Variants in SERPINB7 observed in about 807,000 individuals in gnomAD.
SERPINB7 encodes serpin family B member 7.
Under a neutral mutation model 37.4 loss-of-function variants are expected in SERPINB7, and 31 were observed. The observed-to-expected ratio is 0.83, with a 90% CI of 0.62 to 1.12. SERPINB7 has a LOEUF of 1.12. Ranked by LOEUF, SERPINB7 falls within the 50% of genes most tolerant of loss-of-function variation. SERPINB7 has a pLI of 0.00. For missense variants in SERPINB7, 521 were observed against 455.3 expected, an observed-to-expected ratio of 1.14 and a Z score of -1.31; for synonymous variants, 163 against 166.1, an observed-to-expected ratio of 0.98 and a Z score of 0.14.
chr18:63,795,353 G>C (rs58165115), intron 4 of SERPINB7, among the ~76,000 whole-genome samples: 142 of 152,204 alleles, frequency 9.3e-4, no homozygotes, highest in African/African-American at 3.3e-3. Flanking sequence ...CTGAGGTCAG[G>C]AGTTTGAGAC....
At chr18:63,781,837 C>G (rs954311320) in intron 1 of SERPINB7, among the ~76,000 whole-genome samples, 1 of 151,760 alleles carries the variant, frequency 6.6e-6, no homozygotes, top group African/African-American at 2.4e-5. Context: ...ATGCATAATA[C>G]TTAAAATTAG....
chr18:63,798,341 C>T (rs111327062), intron 5 of SERPINB7, among the ~76,000 whole-genome samples: 128 of 152,210 alleles, frequency 8.4e-4, no homozygotes, highest in African/African-American at 3.0e-3. Context: ...GTCTTAATCT[C>T]TTTGTGCCTT....
At chr18:63,755,003 C>T (rs1395525005) in intron 1 of SERPINB7, among the ~76,000 whole-genome samples, 4 of 150,092 alleles carry the variant, frequency 2.7e-5, no homozygotes, top group Non-Finnish European at 5.9e-5. Context: ...GGGTTCACGC[C>T]ATTCTCCTGC....
At chr18:63,754,320 T>C (rs1057389271) in intron 1 of SERPINB7, among the ~76,000 whole-genome samples, 2 of 152,202 alleles carry the variant, frequency 1.3e-5, no homozygotes, top group Non-Finnish European at 2.9e-5. Flanking sequence ...TTCATTTATG[T>C]TGAATGAATG....
chr18:63,795,588 A>G (rs530588181), intron 4 of SERPINB7, among the ~76,000 whole-genome samples: 68 of 151,872 alleles, frequency 4.5e-4, no homozygotes, highest in East Asian at 1.2e-3. Context: ...AAAAAAAAAA[A>G]AAAAGAAAAG....
At chr18:63,767,204 G>A (rs750507378) in intron 1 of SERPINB7, among the ~76,000 whole-genome samples, 3 of 152,074 alleles carry the variant, frequency 2.0e-5, no homozygotes, top group Non-Finnish European at 2.9e-5. Context: ...CACATTCGCC[G>A]AACTTTTTAG....
At position 63,782,494 on chromosome 18, in the gene SERPINB7, T is replaced by C. The variant is rs764356562; in HGVS notation, c.122T>C (p.Leu41Pro). 1 of 1,613,822 alleles carries C rather than the reference T, an allele frequency of 6.2e-7. No homozygotes were observed. The highest frequency in any genetic ancestry group is 1.3e-5 in the African/African-American group (1 of 74,946). ...CTGAGCCTCTTCGCTGCCCTGGCCC[T>C]GGTCCGCTTGGGCGCTCAAGATGAC... ...SSLSLFAALALVRLGAQDDSL... is the reference protein window; with the variant it reads ...SSLSLFAALAPVRLGAQDDSL... Residue 41 changes from leucine (L) to proline (P), a missense_variant, in exon 2 of 8, where the codon CTG becomes CCG. By Grantham distance (98) the Leu-to-Pro change is moderately conservative. Coordinates refer to ENST00000398019, the MANE Select transcript of SERPINB7 (RefSeq NM_003784.4).
At chr18:63,761,841 T>C (rs562209141) in intron 1 of SERPINB7, among the ~76,000 whole-genome samples, 102 of 152,334 alleles carry the variant, frequency 6.7e-4, no homozygotes, top group African/African-American at 2.3e-3. Flanking sequence ...TAAACTTTTT[T>C]TTCTTTTTCT....
chr18:63,753,465 C>T (rs1290911033), intron 1 of SERPINB7, among the ~76,000 whole-genome samples: 2 of 152,202 alleles, frequency 1.3e-5, no homozygotes, highest in South Asian at 2.1e-4. Flanking sequence ...TGAATAGACC[C>T]CTAAGCTTAT....
At chr18:63,792,938 TAAC>T (rs2049444415) in intron 3 of SERPINB7, among the ~76,000 whole-genome samples, 2 of 152,228 alleles carry the variant, frequency 1.3e-5, no homozygotes, top group Non-Finnish European at 2.9e-5. Context: ...TACCTTCTGT[TAAC>T]AATTTTAAGT....
Position 63,786,233 on chromosome 18 carries a change from T to TATAC in SERPINB7, c.168+3694_168+3695insTACA, listed in dbSNP as rs869084873. 1.3e-3 allele frequency among the ~76,000 whole-genome samples: 103 copies of TATAC among 76,320 alleles called. 3 individuals carry two copies. The highest frequency in any genetic ancestry group is 3.8e-3 in the African/African-American group (97 of 25,510). The allele number at this position is 76,320 out of a possible 152,430, so 50.1% of individuals were successfully genotyped here. A position where few individuals can be genotyped will look rare whatever the true frequency, so the allele number is the denominator to read the frequency against. On this transcript the variant is annotated intron_variant, in intron 2 of 7. Coordinates refer to ENST00000398019, the MANE Select transcript of SERPINB7 (RefSeq NM_003784.4). ...GTGTATATATATATATATATATATATACACACACACACATCCACACATTTC... is the reference window on the plus strand; with the variant it reads ...GTGTATATATATATATATATATATATATACACACACACACACATCCACACATTTC...
intron 1 of SERPINB7, among the ~76,000 whole-genome samples, chr18:63,760,259 T>C (rs1265036533): frequency 6.6e-6 from 1 of 152,182 alleles, no homozygotes; most frequent in Non-Finnish European, 1.5e-5. Context: ...GACTGGTGGC[T>C]TTTTGCCCCT....
intron 5 of SERPINB7, among the ~76,000 whole-genome samples, chr18:63,797,247 A>G (rs554868147): frequency 6.6e-6 from 1 of 152,330 alleles, no homozygotes; most frequent in East Asian, 1.9e-4. Context: ...AATATGATAT[A>G]ATATATCTTG....
intron 6 of SERPINB7, among the ~76,000 whole-genome samples, chr18:63,799,272 A>G (rs1475189284): frequency 6.6e-6 from 1 of 152,186 alleles, no homozygotes; most frequent in Non-Finnish European, 1.5e-5. Context: ...AACCTTTATA[A>G]AACATATATT....
intron 1 of SERPINB7, among the ~76,000 whole-genome samples, chr18:63,759,659 G>C (rs114509768): frequency 6.6e-6 from 1 of 152,126 alleles, no homozygotes; most frequent in Non-Finnish European, 1.5e-5. Flanking sequence ...ATCTTGAATT[G>C]TATCTCCCAG....
chr18:63,785,486 T>C (rs1720847), intron 2 of SERPINB7, among the ~76,000 whole-genome samples: 20,830 of 152,212 alleles, frequency 0.14, 2,466 homozygotes, highest in East Asian at 0.48. Context: ...TCTTGAGTTA[T>C]CTTAGCTCCA....
intron 1 of SERPINB7, among the ~76,000 whole-genome samples, chr18:63,758,065 G>GTC (rs1202686769): frequency 2.6e-5 from 4 of 151,994 alleles, no homozygotes; most frequent in Non-Finnish European, 2.9e-5. Context: ...ATCTCTCTGT[G>GTC]TCTCTCTCTC....
Position 63,800,968 on chromosome 18 carries a change from G to A in SERPINB7, c.700G>A (p.Gly234Ser). The change falls in exon 7 of 8, where the codon GGC becomes AGC. Residue 234 changes from glycine (G) to serine (S), a missense_variant. Transcript: ENST00000398019. ...MKILELRYNGGINMYVLLPEN... is the reference protein window; with the variant it reads ...MKILELRYNGSINMYVLLPEN... Reference sequence around the variant, plus strand: ...GATTCTTGAGCTCAGATACAATGGTGGCATAAACATGTACGTTCTGCTGCC... The same window carrying A: ...GATTCTTGAGCTCAGATACAATGGTAGCATAAACATGTACGTTCTGCTGCC... 1 of 1,613,908 alleles carries A rather than the reference G, an allele frequency of 6.2e-7. No individual in the cohort carries two copies. Among genetic ancestry groups the A allele is most frequent in the East Asian group, 2.2e-5 (1 of 44,872 alleles).
At chr18:63,761,947 C>G (rs547669800) in intron 1 of SERPINB7, among the ~76,000 whole-genome samples, 9 of 152,314 alleles carry the variant, frequency 5.9e-5, no homozygotes, top group South Asian at 4.1e-4. Context: ...CTAGGTCTGA[C>G]CTGATCCAAC....
Sources: gnomAD v4.1 joint callset for allele counts (sites outside exome capture counted in the v4.1 genomes callset) on GRCh38, gnomAD v4.1.1 for gene constraint, MANE v1.5 for transcripts, NCBI Gene and HGNC (gene_info 2026-07-23, HGNC 2026-07-21) for gene names.